Variants in RUNX2 observed in about 807,000 individuals in gnomAD.
The protein encoded by RUNX2 is RUNX family transcription factor 2.
Under a neutral mutation model 51.7 loss-of-function variants are expected in RUNX2, and 10 were observed. The ratio of observed to expected loss-of-function variants is 0.19; its 90% CI spans 0.12 to 0.33. The LOEUF (loss-of-function observed/expected upper bound fraction) is 0.33. Ranked by LOEUF, RUNX2 falls within the 10% of genes least tolerant of loss-of-function variation. The pLI is 1.00. For missense variants in RUNX2, 562 were observed against 691.3 expected, an observed-to-expected ratio of 0.81 and a Z score of 2.10; for synonymous variants, 276 against 273.6, an observed-to-expected ratio of 1.01 and a Z score of -0.09.
rs1334715966 is a variant in RUNX2, at chr6:45,477,326, C to G, written c.686-14615C>G. Among the ~76,000 whole-genome samples, 4 of 152,294 alleles carry G rather than the reference C, an allele frequency of 2.6e-5. No individual in the cohort carries two copies. In the East Asian group the frequency reaches 7.7e-4, roughly 29 times the overall value. Reference sequence around the variant, plus strand: ...TCATTGACACTATTAACTTCGTGTTCCCATGACCACTGAAAATGCATCTTC... The same window carrying G: ...TCATTGACACTATTAACTTCGTGTTGCCATGACCACTGAAAATGCATCTTC... On this transcript the variant is annotated intron_variant, in intron 5 of 8. Coordinates refer to ENST00000647337, the MANE Select transcript of RUNX2 (RefSeq NM_001024630.4).
intron 5 of RUNX2, among the ~76,000 whole-genome samples, chr6:45,464,191 TAAA>T (rs34117694): frequency 1.4e-5 from 2 of 143,334 alleles, no homozygotes; most frequent in South Asian, 2.2e-4. Flanking sequence ...AGACTCCGTC[TAAA>T]AAAAAAAAAA....
intron 5 of RUNX2, among the ~76,000 whole-genome samples, chr6:45,459,106 C>T (rs1248596020): frequency 1.3e-5 from 2 of 152,180 alleles, no homozygotes; most frequent in Admixed American, 6.5e-5. Context: ...TTAGTCTCAA[C>T]CCTTACTCTT....
At chr6:45,410,636 T>A (rs1432254013) in intron 2 of RUNX2, among the ~76,000 whole-genome samples, 1 of 152,180 alleles carries the variant, frequency 6.6e-6, no homozygotes, top group African/African-American at 2.4e-5. Context: ...TTTCCAGACT[T>A]CTTCAATCGT....
At chr6:45,359,884 A>G (rs1453085391) in intron 2 of RUNX2, among the ~76,000 whole-genome samples, 1 of 152,178 alleles carries the variant, frequency 6.6e-6, no homozygotes, top group Admixed American at 6.5e-5. Flanking sequence ...CCTCTACAAA[A>G]CAATACAAAA....
chr6:45,430,794 C>T (rs13217503), intron 3 of RUNX2, among the ~76,000 whole-genome samples: 5,843 of 152,214 alleles, frequency 0.038, 136 homozygotes, highest in African/African-American at 0.056. Flanking sequence ...GCTGAGTTAC[C>T]ATGAGGGCAT....
chr6:45,423,856 G>A (rs915616454), intron 3 of RUNX2, among the ~76,000 whole-genome samples: 1 of 152,190 alleles, frequency 6.6e-6, no homozygotes, highest in African/African-American at 2.4e-5. Flanking sequence ...AGGGGACGGG[G>A]CGGGAGCTCG....
At chr6:45,331,786 T>A (rs1471194872) in intron 2 of RUNX2, among the ~76,000 whole-genome samples, 1 of 152,118 alleles carries the variant, frequency 6.6e-6, no homozygotes, top group East Asian at 1.9e-4. Context: ...ATGATTACAT[T>A]ATGATATATT....
chr6:45,416,693 T>C (rs920538509), intron 2 of RUNX2, among the ~76,000 whole-genome samples: 2 of 152,242 alleles, frequency 1.3e-5, no homozygotes, highest in African/African-American at 4.8e-5. Context: ...AGGCTCTTTT[T>C]AGAAATTACA....
intron 5 of RUNX2, among the ~76,000 whole-genome samples, chr6:45,448,966 G>GT (rs1799081299): frequency 6.6e-6 from 1 of 152,148 alleles, no homozygotes; most frequent in Admixed American, 6.5e-5. Context: ...TAATTCTAGA[G>GT]CTTTGGTTTC....
At chr6:45,544,409 G>T (rs2150451172) in intron 7 of RUNX2, among the ~76,000 whole-genome samples, 1 of 152,234 alleles carries the variant, frequency 6.6e-6, no homozygotes, top group East Asian at 1.9e-4. Flanking sequence ...AACCATATTG[G>T]AGTTTACTGC....
intron 5 of RUNX2, among the ~76,000 whole-genome samples, chr6:45,470,533 G>T (rs1167172203): frequency 6.6e-6 from 1 of 152,210 alleles, no homozygotes; most frequent in Non-Finnish European, 1.5e-5. Context: ...TGTCACATGA[G>T]TGATACAGAC....
intron 5 of RUNX2, among the ~76,000 whole-genome samples, chr6:45,452,301 G>A (rs1799197616): frequency 6.6e-6 from 1 of 152,210 alleles, no homozygotes; most frequent in African/African-American, 2.4e-5. Context: ...AGGAAACAGA[G>A]AGGAAATAGG....
chr6:45,541,442 G>A (rs1272924774), intron 7 of RUNX2, among the ~76,000 whole-genome samples: 3 of 152,198 alleles, frequency 2.0e-5, no homozygotes, highest in Non-Finnish European at 4.4e-5. Context: ...TTGGTTACCA[G>A]GGGAGAGCAG....
chr6:45,358,158 ATG>A (rs1256286459), intron 2 of RUNX2, among the ~76,000 whole-genome samples: 2 of 151,318 alleles, frequency 1.3e-5, no homozygotes, highest in Non-Finnish European at 2.9e-5. Context: ...AACATGTAAA[ATG>A]TATTTTTCCC....
chr6:45,496,170 T>G (rs1800641237), intron 6 of RUNX2, among the ~76,000 whole-genome samples: 1 of 152,152 alleles, frequency 6.6e-6, no homozygotes. Context: ...GAGATATCGC[T>G]TAAGATATCT....
chr6:45,533,577 C>G (rs913115194), intron 7 of RUNX2, among the ~76,000 whole-genome samples: 2 of 152,094 alleles, frequency 1.3e-5, no homozygotes, highest in Non-Finnish European at 2.9e-5. Flanking sequence ...AGTGGAAAAA[C>G]GCTGAGACTG....
At chr6:45,512,114 A>G in intron 6 of RUNX2, 132 bp from the exon 7 acceptor site, 1 of 725,414 alleles carries the variant, frequency 1.4e-6, no homozygotes, top group Non-Finnish European at 2.3e-6. Flanking sequence ...CATTCCTTAT[A>G]TATTATATAT....
At chr6:45,380,409 A>G (rs1392334066) in intron 2 of RUNX2, among the ~76,000 whole-genome samples, 1 of 152,216 alleles carries the variant, frequency 6.6e-6, no homozygotes, top group Non-Finnish European at 1.5e-5. Context: ...TTCCTCTGGC[A>G]TGTAATATTC....
chr6:45,460,865 C>G (rs1471757038), intron 5 of RUNX2, among the ~76,000 whole-genome samples: 8 of 152,074 alleles, frequency 5.3e-5, no homozygotes, highest in African/African-American at 1.9e-4. Context: ...TAACACCTAC[C>G]TATAATGGTT....
Sources: allele counts gnomAD v4.1 joint callset (sites outside exome capture counted in the v4.1 genomes callset), GRCh38; gene constraint gnomAD v4.1.1; transcripts MANE v1.5; gene names NCBI Gene and HGNC (gene_info 2026-07-23, HGNC 2026-07-21).